MGMT: variants seen among roughly 807,000 people sequenced by gnomAD.
MGMT encodes O-6-methylguanine-DNA methyltransferase.
A neutral mutation model predicts 15.9 loss-of-function variants in MGMT; 14 were observed. The ratio of observed to expected loss-of-function variants is 0.88; its 90% CI spans 0.58 to 1.37. The LOEUF (loss-of-function observed/expected upper bound fraction) is 1.37, where lower values mean the gene tolerates loss of function less well. MGMT is among the 40% of genes most tolerant of loss of function. The pLI is 0.00. For missense variants in MGMT, 282 were observed against 268.1 expected (o/e 1.05, Z -0.36); for synonymous variants, 130 against 118.2 (o/e 1.10, Z -0.65).
intron 3 of MGMT, among the ~76,000 whole-genome samples, chr10:129,743,270 C>T (rs1002925854): frequency 3.9e-5 from 6 of 152,208 alleles, no homozygotes; most frequent in Non-Finnish European, 7.3e-5. Flanking sequence ...TGGTGCTTGC[C>T]GGCGAACGCC....
At chr10:129,495,279 G>T (rs1017468254) in intron 1 of MGMT, among the ~76,000 whole-genome samples, 2 of 152,188 alleles carry the variant, frequency 1.3e-5, no homozygotes, top group Non-Finnish European at 1.5e-5. Flanking sequence ...CAAAATAAAC[G>T]TAGTACCTAA....
At position 129,485,920 on chromosome 10, in the gene MGMT, G is replaced by A. The variant is rs547209597; in HGVS notation, c.-13+18624G>A. Among the ~76,000 whole-genome samples, 9 of 152,326 alleles carry A rather than the reference G, an allele frequency of 5.9e-5. No individual in the cohort carries two copies. The South Asian group carries it at 1.7e-3, about 28-fold the overall frequency. ...CCAGCCTGAAGTGGGTGAAAAGAAA[G>A]CTTCACTGACTGCTTTCTAGGCATG... On this transcript the variant is annotated intron_variant, in intron 1 of 4. Coordinates refer to ENST00000651593, the MANE Select transcript of MGMT (RefSeq NM_002412.5).
chr10:129,681,963 G>A (rs957825673), intron 2 of MGMT, among the ~76,000 whole-genome samples: 25 of 152,156 alleles, frequency 1.6e-4, no homozygotes, highest in African/African-American at 5.8e-4. Context: ...GAGGAGATAC[G>A]TAGGACCATA....
intron 2 of MGMT, among the ~76,000 whole-genome samples, chr10:129,649,641 T>G (rs974446034): frequency 6.6e-6 from 1 of 152,174 alleles, no homozygotes; most frequent in Non-Finnish European, 1.5e-5. Flanking sequence ...AAAGAGAGAT[T>G]AAGACGGACT....
intron 2 of MGMT, among the ~76,000 whole-genome samples, chr10:129,706,589 C>T (rs1490256004): frequency 6.6e-6 from 1 of 152,130 alleles, no homozygotes; most frequent in Admixed American, 6.5e-5. Flanking sequence ...CCTGGGAAGT[C>T]CCGGGGAAGC....
chr10:129,639,611 GAAACTTAGA>G, intron 2 of MGMT, among the ~76,000 whole-genome samples: 1 of 152,262 alleles, frequency 6.6e-6, no homozygotes, highest in East Asian at 1.9e-4. Flanking sequence ...AAGTCACAGG[GAAACTTAGA>G]AAATGTTTTG....
intron 2 of MGMT, among the ~76,000 whole-genome samples, chr10:129,617,517 A>G (rs973922937): frequency 6.6e-6 from 1 of 152,206 alleles, no homozygotes; most frequent in Non-Finnish European, 1.5e-5. Context: ...TGCTTTCCAC[A>G]GTGGCTGAAC....
chr10:129,533,039 C>A lies in MGMT; in HGVS notation c.-12-3202C>A, dbSNP rs1845949621. 6.6e-6 allele frequency among the ~76,000 whole-genome samples: 1 copy of A among 152,206 alleles called. No individual in the cohort carries two copies. Among genetic ancestry groups the A allele is most frequent in the Admixed American group, 6.5e-5 (1 of 15,284 alleles). The stretch of plus-strand genomic sequence containing the variant: ...CCTGGGACTCGAATCGGGAGCAGGT[C>A]CCACGGAGGCAGAGCAGCCGAGAAT... On this transcript the variant is annotated intron_variant, in intron 1 of 4. Transcript: ENST00000651593. The surrounding 1 kb of genome is among the most constrained non-coding windows in gnomAD (Gnocchi z 4.5).
At chr10:129,499,052 A>G (rs936618010) in intron 1 of MGMT, among the ~76,000 whole-genome samples, 3 of 152,230 alleles carry the variant, frequency 2.0e-5, no homozygotes, top group Non-Finnish European at 4.4e-5. Context: ...CTTCTCCAAC[A>G]TTGAGAAACC....
At chr10:129,690,780 G>A (rs1480158989) in intron 2 of MGMT, among the ~76,000 whole-genome samples, 2 of 152,208 alleles carry the variant, frequency 1.3e-5, no homozygotes, top group Admixed American at 6.5e-5. Flanking sequence ...TGGCCAGATC[G>A]GCTGGAGCTT....
chr10:129,551,583 T>C (rs990351600), intron 2 of MGMT, among the ~76,000 whole-genome samples: 41 of 152,110 alleles, frequency 2.7e-4, no homozygotes, highest in African/African-American at 9.9e-4. Flanking sequence ...TATTTTTTGA[T>C]GATTTTTGCA....
intron 2 of MGMT, among the ~76,000 whole-genome samples, chr10:129,634,872 TTTGA>T (rs941134252): frequency 6.6e-6 from 1 of 152,214 alleles, no homozygotes; most frequent in African/African-American, 2.4e-5. Flanking sequence ...CCTGGTAATC[TTTGA>T]TTGCATGTCC....
intron 3 of MGMT, among the ~76,000 whole-genome samples, chr10:129,755,020 AC>A (rs1236569108): frequency 6.6e-6 from 1 of 152,214 alleles, no homozygotes; most frequent in East Asian, 1.9e-4. Context: ...CAGAGGGATA[AC>A]CCAGGAAGCC....
intron 2 of MGMT, among the ~76,000 whole-genome samples, chr10:129,555,249 A>T (rs1163914008): frequency 6.6e-6 from 1 of 152,168 alleles, no homozygotes; most frequent in Non-Finnish European, 1.5e-5. Context: ...GGCTTGCTTC[A>T]GATCCCTTGC....
rs145779805 is a variant in MGMT at position 129,471,579 on chromosome 10, C to G, written c.-13+4283C>G. On this transcript the variant is annotated intron_variant, in intron 1 of 4. Coordinates refer to ENST00000651593, the MANE Select transcript of MGMT (RefSeq NM_002412.5). ...ACAGCCCCTTGAACCTGTTGCTCTCCGTAAAGTGGGATCTTCACAGGCAAC... is the reference window on the plus strand; with the variant it reads ...ACAGCCCCTTGAACCTGTTGCTCTCGGTAAAGTGGGATCTTCACAGGCAAC... Among the ~76,000 whole-genome samples the G allele has an allele frequency of 7.2e-4, 110 of 152,056 alleles. 2 individuals are homozygous for G. The East Asian group carries it at 0.017, about 24-fold the overall frequency.
chr10:129,712,996 C>G lies in MGMT; in HGVS notation c.274+4953C>G, dbSNP rs1471240068. ...AAGTCGTGATCCAGCCTGAGTTTTTCTACAGAGACACTGCAGCCAAGAGGG... is the reference window on the plus strand; with the variant it reads ...AAGTCGTGATCCAGCCTGAGTTTTTGTACAGAGACACTGCAGCCAAGAGGG... On this transcript the variant is annotated intron_variant, in intron 3 of 4. Transcript: ENST00000651593. Among the ~76,000 whole-genome samples the G allele has an allele frequency of 2.6e-5, 4 of 152,288 alleles. No individual in the cohort carries two copies. In the East Asian group the frequency reaches 7.7e-4, roughly 29 times the overall value.
intron 2 of MGMT, among the ~76,000 whole-genome samples, chr10:129,679,822 T>C (rs753748492): frequency 3.3e-5 from 5 of 152,196 alleles, no homozygotes; most frequent in East Asian, 1.9e-4. Context: ...CAGTCAGAAG[T>C]GTCGCATATA....
intron 2 of MGMT, among the ~76,000 whole-genome samples, chr10:129,538,191 G>T (rs999439029): frequency 4.6e-5 from 7 of 152,142 alleles, no homozygotes; most frequent in Non-Finnish European, 7.4e-5. Context: ...GATTTCAAGT[G>T]TACAATTCAT....
At chr10:129,526,457 A>T (rs941470292) in intron 1 of MGMT, among the ~76,000 whole-genome samples, 1 of 152,116 alleles carries the variant, frequency 6.6e-6, no homozygotes, top group Non-Finnish European at 1.5e-5. Context: ...AGCCCAGGCC[A>T]CAAGGGACCT....
Sources: allele counts gnomAD v4.1 joint callset (sites outside exome capture counted in the v4.1 genomes callset), GRCh38; gene constraint gnomAD v4.1.1; non-coding constraint Gnocchi (gnomAD v3.1); transcripts MANE v1.5; gene names NCBI Gene and HGNC (gene_info 2026-07-23, HGNC 2026-07-21).